TENM2: variants seen among roughly 807,000 people sequenced by gnomAD.
The protein encoded by TENM2 is teneurin-2.
Under a neutral mutation model 245.2 loss-of-function variants are expected in TENM2, and 52 were observed. The ratio of observed to expected loss-of-function variants is 0.21; its 90% CI spans 0.17 to 0.27. The LOEUF is 0.27. Among genes scored for constraint, TENM2 ranks in the 10% least tolerant of loss-of-function variants. The pLI is 1.00. For missense variants in TENM2, 3,046 were observed against 3,666.8 expected (o/e 0.83, Z 4.37); for synonymous variants, 1,363 against 1,438.9 (o/e 0.95, Z 1.19).
the TENM2 span, among the ~76,000 whole-genome samples, chr5:167,061,276 G>A: frequency 6.6e-6 from 1 of 151,998 alleles, no homozygotes; most frequent in African/African-American, 2.4e-5. Flanking sequence ...ATTTGTTGGT[G>A]GAAAGAATTC....
At chr5:167,715,730 AG>A (rs1759211369) in intron 2 of TENM2, among the ~76,000 whole-genome samples, 1 of 152,188 alleles carries the variant, frequency 6.6e-6, no homozygotes, top group Non-Finnish European at 1.5e-5. Context: ...CAGATGAAAA[AG>A]TTCACGTAGC....
At chr5:167,091,768 A>C in the TENM2 span, among the ~76,000 whole-genome samples, 7 of 152,298 alleles carry the variant, frequency 4.6e-5, no homozygotes, top group East Asian at 1.3e-3. Context: ...TCCTTTCAAG[A>C]TGCTTCTAAT....
chr5:167,175,081 C>T, the TENM2 span, among the ~76,000 whole-genome samples: 2 of 152,144 alleles, frequency 1.3e-5, no homozygotes, highest in East Asian at 1.9e-4. Flanking sequence ...TATCCATTTA[C>T]AGGCATTGAC....
At chr5:167,497,875 T>C (rs1342287293) in intron 2 of TENM2, among the ~76,000 whole-genome samples, 1 of 152,050 alleles carries the variant, frequency 6.6e-6, no homozygotes, top group East Asian at 1.9e-4. Flanking sequence ...TTGAACAGTC[T>C]ATTCATTATC....
At chr5:167,344,127 ATATAT>A (rs1292292134) in intron 1 of TENM2, among the ~76,000 whole-genome samples, 3 of 149,128 alleles carry the variant, frequency 2.0e-5, no homozygotes, top group African/African-American at 4.9e-5. Context: ...TATCAGTTAT[ATATAT>A]TATATTATTT....
At chr5:167,286,014 G>C (rs188312247) in intron 1 of TENM2, among the ~76,000 whole-genome samples, 156 of 152,258 alleles carry the variant, frequency 1.0e-3, no homozygotes, top group African/African-American at 3.7e-3. Context: ...TGGTTTCTCA[G>C]CTTCCTTAAA....
chr5:167,759,615 A>G (rs904783684), intron 2 of TENM2, among the ~76,000 whole-genome samples: 1 of 152,192 alleles, frequency 6.6e-6, no homozygotes, highest in African/African-American at 2.4e-5. Flanking sequence ...AAAGGAATGT[A>G]GACAACATCA....
intron 13 of TENM2, among the ~76,000 whole-genome samples, chr5:168,176,616 A>G (rs1008828788): frequency 6.6e-6 from 1 of 152,144 alleles, no homozygotes; most frequent in Non-Finnish European, 1.5e-5. Flanking sequence ...TCTTCAGAAC[A>G]CTGTCACTGT....
chr5:167,130,591 C>T, the TENM2 span, among the ~76,000 whole-genome samples: 24 of 152,262 alleles, frequency 1.6e-4, no homozygotes, highest in South Asian at 8.3e-4. Context: ...GTTTCCCATC[C>T]GAAGAGCCCT....
intron 2 of TENM2, among the ~76,000 whole-genome samples, chr5:167,564,745 C>T (rs1773797618): frequency 6.6e-6 from 1 of 152,160 alleles, no homozygotes; most frequent in Non-Finnish European, 1.5e-5. Context: ...GCGTTTCCCT[C>T]CTCTTGGTTT....
rs142956395 is a variant in TENM2 at position 167,933,561 on chromosome 5, A to G, written c.713-19027A>G. On this transcript the variant is annotated intron_variant, in intron 3 of 28. Transcript: ENST00000518659. Reference sequence around the variant, plus strand: ...TTAGCTTCCAATTTGGAATTATTATATCCACACAGCATGGTTAAAATAAAA... The same window carrying G: ...TTAGCTTCCAATTTGGAATTATTATGTCCACACAGCATGGTTAAAATAAAA... 5.3e-3 allele frequency among the ~76,000 whole-genome samples: 803 copies of G among 152,320 alleles called. 3 individuals carry two copies. The highest frequency in any genetic ancestry group is 0.024 in the Middle Eastern group (7 of 294).
intron 5 of TENM2, among the ~76,000 whole-genome samples, chr5:167,999,157 A>C (rs573133242): frequency 6.6e-6 from 1 of 152,208 alleles, no homozygotes; most frequent in Admixed American, 6.5e-5. Context: ...CTCTTTGACT[A>C]TCTGGAGAGA....
intron 2 of TENM2, among the ~76,000 whole-genome samples, chr5:167,727,827 G>A (rs1760133209): frequency 6.6e-6 from 1 of 152,164 alleles, no homozygotes; most frequent in Admixed American, 6.5e-5. Context: ...TCAAATCTAA[G>A]TTATTGTAAC....
chr5:167,623,748 A>G (rs1778325828), intron 2 of TENM2, among the ~76,000 whole-genome samples: 1 of 152,098 alleles, frequency 6.6e-6, no homozygotes, highest in Non-Finnish European at 1.5e-5. Flanking sequence ...ACTAGTGGAG[A>G]TGCTGATTGT....
intron 5 of TENM2, among the ~76,000 whole-genome samples, chr5:168,005,970 A>G (rs572146705): frequency 2.5e-4 from 38 of 152,224 alleles, no homozygotes; most frequent in Non-Finnish European, 3.8e-4. Flanking sequence ...GAGGAGGCCA[A>G]ATGCCTAGCT....
At chr5:167,210,362 A>T in the TENM2 span, among the ~76,000 whole-genome samples, 6 of 152,176 alleles carry the variant, frequency 3.9e-5, no homozygotes, top group Non-Finnish European at 8.8e-5. Flanking sequence ...ATATTAGACA[A>T]TTTGTCCTAC....
intron 1 of TENM2, among the ~76,000 whole-genome samples, chr5:167,360,833 G>A (rs1759670128): frequency 6.6e-6 from 1 of 152,140 alleles, no homozygotes; most frequent in African/African-American, 2.4e-5. Flanking sequence ...TTTAATTAGA[G>A]TGCGTACTAT....
chr5:168,126,916 G>A lies in TENM2; in HGVS notation c.2372G>A (p.Trp791Ter), dbSNP rs1795893205. The change falls in exon 12 of 29, where the codon TGG becomes TAG. Residue 791 changes from tryptophan to a stop codon, truncating the protein, a stop_gained. Transcript: ENST00000518659. LOFTEE classifies it high-confidence loss of function. Reference sequence around the variant, plus strand: ...GGCAAATGTGAATGCCGAGAGGGCTGGAATGGTGAACACTGCACCATTGGT... The same window carrying A: ...GGCAAATGTGAATGCCGAGAGGGCTAGAATGGTGAACACTGCACCATTGGT... The A allele has an allele frequency of 6.2e-7, 1 of 1,608,904 alleles. No homozygotes were observed. The highest frequency in any genetic ancestry group is 1.3e-5 in the African/African-American group (1 of 74,856).
chr5:167,712,211 A>T (rs1478554816), intron 2 of TENM2, among the ~76,000 whole-genome samples: 1 of 152,230 alleles, frequency 6.6e-6, no homozygotes, highest in East Asian at 1.9e-4. Context: ...AATAAGTTTA[A>T]TAAGTAAAGA....
Sources: allele counts gnomAD v4.1 joint callset (sites outside exome capture counted in the v4.1 genomes callset), GRCh38; gene constraint gnomAD v4.1.1; transcripts MANE v1.5; gene names NCBI Gene and HGNC (gene_info 2026-07-23, HGNC 2026-07-21).